EMID1: variants seen among roughly 807,000 people sequenced by gnomAD.
The protein encoded by EMID1 is EMI domain-containing protein 1.
Under a neutral mutation model 60.6 loss-of-function variants are expected in EMID1, and 40 were observed. That is an observed-to-expected ratio of 0.66 (90% CI 0.51 to 0.86). The LOEUF is 0.86. Among genes scored for constraint, EMID1 ranks in the 40% least tolerant of loss-of-function variants. EMID1 has a pLI of 0.00. For synonymous variants in EMID1, 242 were observed against 231.0 expected (o/e 1.05, Z -0.43); for missense variants, 585 against 597.1 (o/e 0.98, Z 0.21).
At chr22:29,210,330 C>T (rs1244425659) in intron 1 of EMID1, among the ~76,000 whole-genome samples, 5 of 150,330 alleles carry the variant, frequency 3.3e-5, no homozygotes, top group Admixed American at 6.6e-5. Flanking sequence ...CTTGGCTCAC[C>T]GCAATCTCTG....
intron 5 of EMID1, among the ~76,000 whole-genome samples, chr22:29,228,288 T>C (rs1320894959): frequency 6.6e-6 from 1 of 151,890 alleles, no homozygotes; most frequent in East Asian, 1.9e-4. Flanking sequence ...ATTGCACCAC[T>C]GCTCTCCACC....
At chr22:29,230,488 T>C (rs568241321) in intron 5 of EMID1, among the ~76,000 whole-genome samples, 1 of 152,338 alleles carries the variant, frequency 6.6e-6, no homozygotes, top group East Asian at 1.9e-4. Context: ...AGCTCAACTT[T>C]GATGGCAATG....
intron 14 of EMID1, among the ~76,000 whole-genome samples, chr22:29,258,253 C>T (rs1275865777): frequency 2.6e-5 from 4 of 152,176 alleles, no homozygotes; most frequent in Non-Finnish European, 5.9e-5. Context: ...GGCTCCTACC[C>T]TTGGTTTTGA....
intron 1 of EMID1, among the ~76,000 whole-genome samples, chr22:29,207,237 G>A (rs1324765431): frequency 6.6e-6 from 1 of 152,236 alleles, no homozygotes; most frequent in Non-Finnish European, 1.5e-5. Flanking sequence ...GGCCAGAAGA[G>A]CAGTTGTCTG....
chr22:29,234,372 C>T, intron 12 of EMID1, 23 bp downstream of exon 12: 1 of 1,611,512 alleles, frequency 6.2e-7, no homozygotes, highest in South Asian at 1.1e-5. Context: ...GTCTGTCCCG[C>T]ATTCATCCCT....
At position 29,259,197 on chromosome 22, in the gene EMID1, A is replaced by G. The variant is rs1602084032; in HGVS notation, c.*253A>G. ...GGGGGAGGCAGGCCTTCAAGGAGGG[A>G]TAGAGGTACAAGGCTTCGTCTCATC... On this transcript the variant is annotated 3_prime_UTR_variant, in exon 15 of 15. Coordinates refer to ENST00000334018, the MANE Select transcript of EMID1 (RefSeq NM_133455.4). The G allele has an allele frequency of 3.7e-6, 2 of 547,742 alleles. No individual in the cohort carries two copies. The highest frequency in any genetic ancestry group is 4.7e-5 in the South Asian group (2 of 42,640). The allele number at this position is 547,742 out of a possible 1,614,324, so 33.9% of individuals were successfully genotyped here.
At chr22:29,206,492 C>A (rs1194751888) in intron 1 of EMID1, among the ~76,000 whole-genome samples, 3 of 152,214 alleles carry the variant, frequency 2.0e-5, no homozygotes, top group Non-Finnish European at 4.4e-5. Flanking sequence ...TCTTCTCGGA[C>A]CCTCTCTCCC....
Position 29,206,061 on chromosome 22 carries a change from C to T in EMID1, c.23C>T (p.Ala8Val), listed in dbSNP as rs1350182351. ...AGCATGGGCGGCCCGCGGGCTTGGG[C>T]GCTGCTCTGCCTCGGGCTCCTGCTC... is the stretch of plus-strand genomic sequence containing the variant. Reference protein sequence around the residue: MGGPRAWALLCLGLLLPG... With the variant: MGGPRAWVLLCLGLLLPG... Residue 8 changes from alanine (A) to valine (V), a missense_variant, in exon 1 of 15, where the codon GCG (alanine) becomes GTG (valine). By Grantham distance (64) the Ala-to-Val change is moderately conservative. Coordinates refer to ENST00000334018, the MANE Select transcript of EMID1 (RefSeq NM_133455.4). 3.3e-6 allele frequency: 4 copies of T among 1,229,548 alleles called. No individual in the cohort carries two copies. Among genetic ancestry groups the T allele is most frequent in the Non-Finnish European group, 4.1e-6 (4 of 986,642 alleles). The allele number at this position is 1,229,548 out of a possible 1,614,324, so 76.2% of individuals were successfully genotyped here. A position where few individuals can be genotyped will look rare whatever the true frequency, so the allele number is the denominator to read the frequency against.
intron 3 of EMID1, among the ~76,000 whole-genome samples, chr22:29,217,934 C>A (rs919356138): frequency 1.3e-5 from 2 of 152,232 alleles, no homozygotes; most frequent in Non-Finnish European, 2.9e-5. Context: ...GCTGCATCAC[C>A]AGGGCCAACA....
chr22:29,258,900 A>G lies in EMID1; in HGVS notation c.1288A>G (p.Asn430Asp), dbSNP rs2041807664. The G allele has an allele frequency of 1.2e-6, 2 of 1,613,190 alleles. No homozygotes were observed. Among genetic ancestry groups the G allele is most frequent in the Middle Eastern group, 1.7e-4 (1 of 6,058 alleles). Residue 430 changes from asparagine (N) to aspartate (D), a missense_variant, in exon 15 of 15, where the codon AAC (asparagine) becomes GAC (aspartate). Asn to Asp is a conservative substitution (Grantham distance 23). Transcript: ENST00000334018. ...LRGKRGGHAT[N>D]YRIVAPRSRD... ...GGGCAAGAGGGGCGGACATGCAACC[A>G]ACTACCGGATCGTGGCCCCCAGGAG...
rs1339034471 is a variant in EMID1 at position 29,258,923 on chromosome 22, G to A, written c.1311G>A (p.Arg437=). 1.2e-6 allele frequency: 2 copies of A among 1,612,924 alleles called. No homozygotes were observed. The highest frequency in any genetic ancestry group is 3.3e-5 in the Admixed American group (2 of 59,962). ...CCAACTACCGGATCGTGGCCCCCAG[G>A]AGCCGGGACGAGAGAGGCTGAGGGT... ...HATNYRIVAP[R]SRDERG is the part of the protein sequence containing the mutation. The change falls in exon 15 of 15, where the codon AGG becomes AGA. Residue 437 remains arginine, a synonymous_variant. Transcript: ENST00000334018.
Position 29,233,671 on chromosome 22 carries a change from G to A in EMID1, c.966+5G>A. On this transcript the variant is annotated splice_donor_5th_base_variant and intron_variant, in intron 10 of 14. Transcript: ENST00000334018. ...CCTGGGAGTCCTGGTCACATAGTGA[G>A]TAGTTCTCCTTGTACTCTCACCCAT... 1 of 1,613,428 alleles carries A rather than the reference G, an allele frequency of 6.2e-7. No homozygotes were observed. The highest frequency in any genetic ancestry group is 8.5e-7 in the Non-Finnish European group (1 of 1,179,414).
intron 14 of EMID1, 80 bp downstream of exon 14, chr22:29,254,367 G>A: frequency 7.2e-7 from 1 of 1,383,804 alleles, no homozygotes; most frequent in Non-Finnish European, 1.0e-6. Context: ...GGTGGAACTG[G>A]CCTGAGCCCA....
intron 13 of EMID1, among the ~76,000 whole-genome samples, chr22:29,251,865 A>G (rs12628709): frequency 0.13 from 19,831 of 152,026 alleles, 1,455 homozygotes; most frequent in East Asian, 0.24. Context: ...GGGTTTCACC[A>G]TGTTGGCCAG....
intron 6 of EMID1, 122 bp from the exon 7 acceptor site, chr22:29,231,471 C>A: frequency 9.4e-7 from 1 of 1,065,970 alleles, no homozygotes; most frequent in Non-Finnish European, 1.4e-6. Flanking sequence ...TGCCAGGAGC[C>A]ATAGAGAGTG....
At chr22:29,255,445 T>C in intron 14 of EMID1, 1 of 1,048,934 alleles carries the variant, frequency 9.5e-7, no homozygotes, top group Non-Finnish European at 1.3e-6. Flanking sequence ...CGCCTTCCGA[T>C]GCTTGGCCCA....
At chr22:29,249,587 A>ATTTATTATTTATTTAT (rs1267032933) in intron 13 of EMID1, among the ~76,000 whole-genome samples, 250 of 139,560 alleles carry the variant, frequency 1.8e-3, no homozygotes, top group African/African-American at 6.4e-3. Context: ...AAATACCTTT[A>ATTTATTATTTATTTAT]TTATTTATTT....
chr22:29,215,252 C>G, intron 2 of EMID1: 1 of 985,440 alleles, frequency 1.0e-6, no homozygotes, highest in Non-Finnish European at 1.2e-6. Flanking sequence ...CACCATTTGC[C>G]TGCATTCCTT....
intron 5 of EMID1, 63 bp downstream of exon 5, chr22:29,226,614 A>G: frequency 6.5e-7 from 1 of 1,530,032 alleles, no homozygotes; most frequent in South Asian, 1.2e-5. Flanking sequence ...GGCAACCACC[A>G]TCCCACCCTC....
Sources: allele counts gnomAD v4.1 joint callset (sites outside exome capture counted in the v4.1 genomes callset), GRCh38; gene constraint gnomAD v4.1.1; transcripts MANE v1.5; gene names NCBI Gene and HGNC (gene_info 2026-07-23, HGNC 2026-07-21).